Variants in NEB observed in about 807,000 individuals in gnomAD.
The protein encoded by NEB is nemaline myopathy type 2.
A neutral mutation model predicts 952.2 loss-of-function variants in NEB; 512 were observed. That is an observed-to-expected ratio of 0.54 (90% CI 0.50 to 0.58). The LOEUF (loss-of-function observed/expected upper bound fraction) is 0.58. NEB is among the 20% of genes least tolerant of loss of function. The pLI is 0.00. For synonymous variants in NEB, 2,900 were observed against 3,149.8 expected (o/e 0.92, Z 2.66); for missense variants, 8,428 against 9,231.1 (o/e 0.91, Z 3.56).
intron 73 of NEB, 103 bp from the exon 74 acceptor site, chr2:151,618,581 T>A: frequency 8.9e-7 from 1 of 1,127,602 alleles, no homozygotes; most frequent in South Asian, 1.4e-5. Context: ...GATGAATAGT[T>A]AAGGTTCCTA....
In NEB at chr2:151,562,617, C is replaced by A. The variant is rs141925015; in HGVS notation, c.18885G>T (p.Leu6295Phe). The A allele has an allele frequency of 6.4e-7, 1 of 1,570,498 alleles. No individual in the cohort carries two copies. Among genetic ancestry groups the A allele is most frequent in the African/African-American group, 1.3e-5 (1 of 74,248 alleles). The change falls in exon 120 of 182, where the codon TTG (leucine) becomes TTT (phenylalanine). Residue 6295 changes from leucine to phenylalanine, a missense_variant. This residue lies in a region of NEB where 3,374 missense variants were observed against 3,651.5 expected (regional missense o/e 0.92). Transcript: ENST00000397345. ...TGCAGAAGGGACATCATACATCACT[C>A]AAGATCTCCTGGGCGTTTCGGACGC... is the stretch of plus-strand genomic sequence containing the variant. ...VIRVRNAQEI[L>F]SDNVYKDDLN...
chr2:151,531,163 T>C, intron 144 of NEB, 62 bp from the exon 145 acceptor site: 1 of 1,126,708 alleles, frequency 8.9e-7, no homozygotes, highest in South Asian at 1.3e-5. Context: ...TATCAAAATA[T>C]AAATGCAAAG....
chr2:151,730,351 T>C (rs1472470524), intron 3 of NEB, among the ~76,000 whole-genome samples: 4 of 152,136 alleles, frequency 2.6e-5, no homozygotes, highest in Non-Finnish European at 1.5e-5. Context: ...CAATTTGCCA[T>C]AGTGGCTCTG....
intron 168 of NEB, among the ~76,000 whole-genome samples, chr2:151,500,423 T>TAG (rs58308258): frequency 0.59 from 89,162 of 151,048 alleles, 26,679 homozygotes; most frequent in Admixed American, 0.69. Context: ...TTGTATATAA[T>TAG]ACACAAATAA....
In NEB at chr2:151,717,458, T is replaced by C. The variant is rs80255720; in HGVS notation, c.780A>G (p.Pro260=). The change falls in exon 10 of 182, where the codon CCA becomes CCG. Residue 260 remains proline (P), a synonymous_variant. Coordinates refer to ENST00000397345, the MANE Select transcript of NEB (RefSeq NM_001164508.2). The part of the protein sequence containing the change: ...QAQFTPLADP[P]DIEFAKKVTN... ...TTACTTTCTTGGCAAATTCTATATC[T>C]GGAGGATCAGCCAGAGGCGTGAATT... 1.4e-4 allele frequency: 232 copies of C among 1,613,936 alleles called. 2 individuals are homozygous for C. In the East Asian group the frequency reaches 3.9e-3, roughly 27 times the overall value.
intron 161 of NEB, among the ~76,000 whole-genome samples, chr2:151,510,978 T>C (rs1025576002): frequency 2.0e-5 from 3 of 152,254 alleles, no homozygotes; most frequent in African/African-American, 4.8e-5. Context: ...ACCATTCAAC[T>C]GTAAATACTG....
chr2:151,610,604 C>T lies in NEB; in HGVS notation c.11930G>A (p.Trp3977Ter), dbSNP rs1389494765. Reference protein sequence around the residue: ...NISQKLYTKGWDESKMKDYDL... With the variant: ...NISQKLYTKG ...ATAGTCCTTCATCTTTGATTCATCC[C>T]ATCCCTTGGTGTAAAGTTTCTAGGG... Residue 3977 changes from tryptophan to a stop codon, truncating the protein, a stop_gained, in exon 80 of 182, where the codon TGG (tryptophan) becomes TAG (stop). Transcript: ENST00000397345. LOFTEE classifies it high-confidence loss of function. 1 of 1,613,382 alleles carries T rather than the reference C, an allele frequency of 6.2e-7. No homozygotes were observed. Among genetic ancestry groups the T allele is most frequent in the African/African-American group, 1.3e-5 (1 of 74,910 alleles).
rs538590995 is a variant in NEB, at chr2:151,631,982, G to T, written c.9415-636C>A. On this transcript the variant is annotated intron_variant, in intron 65 of 181. Coordinates refer to ENST00000397345, the MANE Select transcript of NEB (RefSeq NM_001164508.2). ...ATAACAGTGCTGTAGAACCCCTGAA[G>T]CCCTGAGATCTTCAACAGCTGTAAC... Among the ~76,000 whole-genome samples the T allele has an allele frequency of 2.1e-3, 313 of 152,202 alleles. 1 individual carries two copies. The highest frequency in any genetic ancestry group is 3.4e-3 in the Non-Finnish European group (228 of 68,018).
Position 151,562,652 on chromosome 2 carries a change from T to C in NEB, c.18850A>G (p.Asn6284Asp). 6.3e-7 allele frequency: 1 copy of C among 1,595,162 alleles called. No homozygotes were observed. The highest frequency in any genetic ancestry group is 8.6e-7 in the Non-Finnish European group (1 of 1,165,270). The change falls in exon 120 of 182, where the codon AAT becomes GAT. Residue 6284 changes from asparagine to aspartate, a missense_variant. Physicochemically the swap from Asn to Asp is conservative, Grantham distance 23. Transcript: ENST00000397345. ...TGGGCGTTTCGGACGCGTATAACAT[T>C]GGGTTCTTCCAGAAGAGACGTCCAC... is the stretch of plus-strand genomic sequence containing the variant. ...HQWTSLLEEPNVIRVRNAQEI... is the reference protein window; with the variant it reads ...HQWTSLLEEPDVIRVRNAQEI...
intron 135 of NEB, among the ~76,000 whole-genome samples, chr2:151,542,725 A>G (rs1164450394): frequency 6.6e-6 from 1 of 152,244 alleles, no homozygotes; most frequent in African/African-American, 2.4e-5. Flanking sequence ...CAACTCCTCT[A>G]TTGGACCACC....
chr2:151,701,650 C>T lies in NEB; in HGVS notation c.1153-4002G>A, dbSNP rs1273542005. Among the ~76,000 whole-genome samples the T allele has an allele frequency of 3.3e-4, 50 of 151,278 alleles. No individual in the cohort carries two copies. The South Asian group carries it at 5.4e-3, about 16-fold the overall frequency. ...TCTTCTAGATTTTCTAGTTTATTTG[C>T]GTAGAGGTGTTTGTAGTATTCTTTG... On this transcript the variant is annotated intron_variant, in intron 13 of 181. Transcript: ENST00000397345.
At chr2:151,633,513 G>T in intron 65 of NEB, 141 bp downstream of exon 65, 1 of 1,236,912 alleles carries the variant, frequency 8.1e-7, no homozygotes, top group Non-Finnish European at 1.1e-6. Context: ...TCATAATAAA[G>T]CAATAAAATT....
intron 38 of NEB, among the ~76,000 whole-genome samples, chr2:151,670,281 C>G (rs535864508): frequency 1.2e-4 from 18 of 152,316 alleles, no homozygotes; most frequent in Admixed American, 2.6e-4. Context: ...CTTCCAAAAT[C>G]TGGGGCTAAA....
Position 151,629,399 on chromosome 2 carries a change from T to A in NEB, c.9831+140A>T, listed in dbSNP as rs1007647948. The A allele has an allele frequency of 6.6e-6, 5 of 753,450 alleles. No homozygotes were observed. The African/African-American group carries it at 8.9e-5, about 13-fold the overall frequency. 46.7% of individuals were successfully genotyped at this position (753,450 alleles called of 1,614,324 possible). On this transcript the variant is annotated intron_variant, in intron 68 of 181. Coordinates refer to ENST00000397345, the MANE Select transcript of NEB (RefSeq NM_001164508.2). ...AGCTTAAAACATGAGTTTTTTCAAA[T>A]GAAAAACTTTGAATTTGAATTTGAT...
intron 64 of NEB, among the ~76,000 whole-genome samples, chr2:151,634,261 T>C (rs766057298): frequency 7.9e-5 from 12 of 152,108 alleles, no homozygotes; most frequent in Non-Finnish European, 1.6e-4. Flanking sequence ...GGAGAGAACA[T>C]TTGAACCAGG....
intron 166 of NEB, 60 bp from the exon 167 acceptor site, chr2:151,502,945 G>A: frequency 6.0e-6 from 6 of 1,001,954 alleles, no homozygotes; most frequent in Non-Finnish European, 7.6e-6. Flanking sequence ...AGTAAGGAAG[G>A]AAGGAAATGG....
chr2:151,563,092 G>A (rs1395397018), intron 119 of NEB, among the ~76,000 whole-genome samples: 1 of 136,708 alleles, frequency 7.3e-6, no homozygotes, highest in African/African-American at 2.8e-5. Flanking sequence ...TCCACTCACT[G>A]CAACCTCTGC....
At chr2:151,681,458 C>T (rs967893293) in intron 29 of NEB, among the ~76,000 whole-genome samples, 2 of 152,262 alleles carry the variant, frequency 1.3e-5, no homozygotes, top group South Asian at 2.1e-4. Flanking sequence ...TTCCTGTACG[C>T]GTCTCTATTT....
At position 151,485,773 on chromosome 2, in the gene NEB, A is replaced by G. The variant is rs558019875; in HGVS notation, c.25565T>C (p.Val8522Ala). Residue 8522 changes from valine (V) to alanine (A), a missense_variant, in exon 182 of 182, where the codon GTT (valine) becomes GCT (alanine). Val to Ala is a moderately conservative substitution (Grantham distance 64, BLOSUM62 0). Transcript: ENST00000397345. ...GCTTTGAAATGCCTAAATAGCTTCA[A>G]CGTAGTTGGCTGGGAGCATTCCGGT... ...GRTGMLPANYVEAI is the reference protein window; with the variant it reads ...GRTGMLPANYAEAI 1.6e-5 allele frequency: 26 copies of G among 1,611,020 alleles called. 1 individual carries two copies. Among genetic ancestry groups the G allele is most frequent in the East Asian group, 8.9e-5 (4 of 44,780 alleles).
Sources: allele counts gnomAD v4.1 joint callset (sites outside exome capture counted in the v4.1 genomes callset), GRCh38; gene constraint gnomAD v4.1.1; regional missense constraint gnomAD v4.1.1; transcripts MANE v1.5; gene names NCBI Gene and HGNC (gene_info 2026-07-23, HGNC 2026-07-21).